RXRA: variants seen among roughly 807,000 people sequenced by gnomAD.
The protein encoded by RXRA is retinoic acid receptor RXR-alpha.
Under a neutral mutation model 44.5 loss-of-function variants are expected in RXRA, and 5 were observed. The observed-to-expected ratio is 0.11, with a 90% CI of 0.06 to 0.24. The LOEUF is 0.24. Ranked by LOEUF, RXRA falls within the 10% of genes least tolerant of loss-of-function variation. The pLI is 1.00. For synonymous variants in RXRA, 291 were observed against 271.4 expected (o/e 1.07, Z -0.71); for missense variants, 412 against 646.5 (o/e 0.64, Z 3.93).
At chr9:134,380,239 A>G (rs1830622753) in intron 1 of RXRA, 1 of 963,436 alleles carries the variant, frequency 1.0e-6, no homozygotes, top group Non-Finnish European at 1.2e-6. Flanking sequence ...CGCCGATCCC[A>G]GGATGGGAGT....
chr9:134,387,868 C>T (rs543518806), intron 1 of RXRA, among the ~76,000 whole-genome samples: 48 of 152,174 alleles, frequency 3.2e-4, no homozygotes, highest in Non-Finnish European at 5.3e-4. Context: ...CGTGAAGGCC[C>T]GTTCCCAGCC....
chr9:134,340,344 A>G (rs1554747975), intron 1 of RXRA, among the ~76,000 whole-genome samples: 1 of 152,172 alleles, frequency 6.6e-6, no homozygotes, highest in African/African-American at 2.4e-5. Flanking sequence ...GACTTTGGCC[A>G]TCGTGGGGAT....
At chr9:134,379,333 T>C in intron 1 of RXRA, 2 of 987,242 alleles carry the variant, frequency 2.0e-6, no homozygotes, top group African/African-American at 1.7e-5. Flanking sequence ...GAAGGAGGGC[T>C]GGGGGCTCCG....
chr9:134,344,372 G>C (rs73663456), intron 1 of RXRA, among the ~76,000 whole-genome samples: 17,495 of 152,258 alleles, frequency 0.11, 1,064 homozygotes, highest in South Asian at 0.17. Flanking sequence ...TCCTGCCCTT[G>C]CCGCCGGAAG....
chr9:134,387,922 C>G (rs907518520), intron 1 of RXRA, among the ~76,000 whole-genome samples: 10 of 152,172 alleles, frequency 6.6e-5, no homozygotes, highest in African/African-American at 2.2e-4. Context: ...CAGCCTCTTG[C>G]AGCAAAGAAC....
chr9:134,436,182 A>G (rs537203398), intron 9 of RXRA, among the ~76,000 whole-genome samples: 3 of 152,348 alleles, frequency 2.0e-5, no homozygotes, highest in Non-Finnish European at 2.9e-5. Context: ...AGAGCTATTC[A>G]GTCTGCCCTA....
At chr9:134,396,510 G>A (rs550063128) in intron 1 of RXRA, among the ~76,000 whole-genome samples, 131 of 152,154 alleles carry the variant, frequency 8.6e-4, no homozygotes, top group Non-Finnish European at 2.8e-4. Flanking sequence ...TTTCAGTTCC[G>A]GGCGGGGGGG....
intron 1 of RXRA, among the ~76,000 whole-genome samples, chr9:134,331,563 G>T (rs1226654025): frequency 6.6e-6 from 1 of 152,216 alleles, no homozygotes; most frequent in Non-Finnish European, 1.5e-5. Flanking sequence ...TGGGTTTGTT[G>T]GCCTCCTTTT....
At chr9:134,395,213 G>T (rs2119129673) in intron 1 of RXRA, among the ~76,000 whole-genome samples, 1 of 152,368 alleles carries the variant, frequency 6.6e-6, no homozygotes, top group East Asian at 1.9e-4. Flanking sequence ...CATGGGGCTG[G>T]CAGGACTGTG....
Position 134,327,375 on chromosome 9 carries a change from C to T in RXRA, c.28+716C>T, listed in dbSNP as rs534439007. 1.3e-3 allele frequency among the ~76,000 whole-genome samples: 199 copies of T among 152,318 alleles called. 1 individual carries two copies. The highest frequency in any genetic ancestry group is 4.4e-3 in the African/African-American group (183 of 41,578). On this transcript the variant is annotated intron_variant, in intron 1 of 9. Transcript: ENST00000481739. Reference sequence around the variant, plus strand: ...TCCCTCCTCCTCCTGCCATCCCGCCCGGTAGCTTCCTATCCCAGACTGCCC... The same window carrying T: ...TCCCTCCTCCTCCTGCCATCCCGCCTGGTAGCTTCCTATCCCAGACTGCCC...
intron 4 of RXRA, among the ~76,000 whole-genome samples, chr9:134,411,860 C>T (rs1831154399): frequency 6.6e-6 from 1 of 152,190 alleles, no homozygotes. Flanking sequence ...CCTCCCCCAG[C>T]CTGGCTGTGT....
At chr9:134,393,960 C>T (rs2119127174) in intron 1 of RXRA, among the ~76,000 whole-genome samples, 1 of 152,086 alleles carries the variant, frequency 6.6e-6, no homozygotes, top group African/African-American at 2.4e-5. Context: ...GGCCAGTCCT[C>T]AACTTGCTCA....
intron 7 of RXRA, among the ~76,000 whole-genome samples, chr9:134,429,558 T>C (rs1445024127): frequency 6.6e-6 from 1 of 152,204 alleles, no homozygotes; most frequent in African/African-American, 2.4e-5. Flanking sequence ...GATGCAGTTT[T>C]GTAAAAGTGT....
intron 3 of RXRA, among the ~76,000 whole-genome samples, chr9:134,408,610 G>C (rs1250124571): frequency 6.6e-6 from 1 of 152,230 alleles, no homozygotes; most frequent in Non-Finnish European, 1.5e-5. Flanking sequence ...CCTTGGCTGG[G>C]TCTGGGCAAG....
rs1830116847 is a variant in RXRA, at chr9:134,343,827, T to C, written c.28+17168T>C. Among the ~76,000 whole-genome samples the C allele has an allele frequency of 1.3e-5, 2 of 152,078 alleles. No homozygotes were observed. The highest frequency in any genetic ancestry group is 2.4e-5 in the African/African-American group (1 of 41,418). On this transcript the variant is annotated intron_variant, in intron 1 of 9. Transcript: ENST00000481739. The surrounding 1 kb of genome is among the most constrained non-coding windows in gnomAD (Gnocchi z 4.1). ...TCTTCTGCAACTGTGGGGAAGAGTG[T>C]TTCTTCCCGGAAGGCGGGGCCAGCT...
intron 1 of RXRA, among the ~76,000 whole-genome samples, chr9:134,380,872 A>G (rs145442017): frequency 0.019 from 2,963 of 152,096 alleles, 49 homozygotes; most frequent in Admixed American, 0.046. Context: ...CCTTCTACCC[A>G]TGGCCGGATC....
At chr9:134,390,954 G>T (rs1830790700) in intron 1 of RXRA, among the ~76,000 whole-genome samples, 1 of 152,142 alleles carries the variant, frequency 6.6e-6, no homozygotes, top group African/African-American at 2.4e-5. Context: ...AGCTGGAGAG[G>T]GTCCCCACTG....
At chr9:134,375,787 G>A (rs1830548277) in intron 1 of RXRA, among the ~76,000 whole-genome samples, 1 of 152,038 alleles carries the variant, frequency 6.6e-6, no homozygotes, top group Non-Finnish European at 1.5e-5. Context: ...CTGGCTTCTG[G>A]CAGGAGAGCA....
In RXRA at chr9:134,390,834, C is replaced by T. The variant is rs540347195; in HGVS notation, c.29-10798C>T. 3.3e-5 allele frequency among the ~76,000 whole-genome samples: 5 copies of T among 152,308 alleles called. No individual in the cohort carries two copies. The East Asian group carries it at 5.8e-4, about 18-fold the overall frequency. On this transcript the variant is annotated intron_variant, in intron 1 of 9. Coordinates refer to ENST00000481739, the MANE Select transcript of RXRA (RefSeq NM_002957.6). The stretch of plus-strand genomic sequence containing the variant: ...CAGGCCCCTGCACATGACAGGCATC[C>T]GGCTCAGGTGCGTGGGTGGTAAGCC...
Sources: allele counts gnomAD v4.1 joint callset (sites outside exome capture counted in the v4.1 genomes callset), GRCh38; gene constraint gnomAD v4.1.1; non-coding constraint Gnocchi (gnomAD v3.1); transcripts MANE v1.5; gene names NCBI Gene and HGNC (gene_info 2026-07-23, HGNC 2026-07-21).